Variants in ZEB1 observed in about 807,000 individuals in gnomAD.
The protein encoded by ZEB1 is zinc finger E-box binding homeobox 1.
A neutral mutation model predicts 84.9 loss-of-function variants in ZEB1; 21 were observed. That is an observed-to-expected ratio of 0.25 (90% confidence interval 0.18 to 0.36). The LOEUF is 0.36. Ranked by LOEUF, ZEB1 falls within the 10% of genes least tolerant of loss-of-function variation. ZEB1 has a pLI of 1.00. For synonymous variants in ZEB1, 420 were observed against 471.1 expected (o/e 0.89, Z 1.41); for missense variants, 1,104 against 1,330.2 (o/e 0.83, Z 2.65).
At chr10:31,514,371 C>T (rs1193761285) in intron 5 of ZEB1, among the ~76,000 whole-genome samples, 3 of 151,930 alleles carry the variant, frequency 2.0e-5, no homozygotes, top group African/African-American at 7.3e-5. Flanking sequence ...AAATTCTGTC[C>T]CCACTATCAC....
At chr10:31,418,920 A>G (rs2055671472) in intron 1 of ZEB1, among the ~76,000 whole-genome samples, 1 of 152,130 alleles carries the variant, frequency 6.6e-6, no homozygotes, top group African/African-American at 2.4e-5. Flanking sequence ...CAGACTAGGG[A>G]TGCTGAACCA....
intron 2 of ZEB1, among the ~76,000 whole-genome samples, chr10:31,493,176 T>C (rs972274574): frequency 3.3e-5 from 5 of 151,976 alleles, no homozygotes; most frequent in Non-Finnish European, 5.9e-5. Context: ...TTTACAATTG[T>C]GTTATTTGAA....
rs145960602 is a variant in ZEB1 at position 31,415,079 on chromosome 10, C to G, written c.59-45958C>G. Reference sequence around the variant, plus strand: ...AAAATCATTTTACAATCCACTTTGCCCACCTCCATCTTCTTACGTTACAAA... The same window carrying G: ...AAAATCATTTTACAATCCACTTTGCGCACCTCCATCTTCTTACGTTACAAA... On this transcript the variant is annotated intron_variant, in intron 1 of 8. Transcript: ENST00000424869. 5.6e-3 allele frequency among the ~76,000 whole-genome samples: 847 copies of G among 152,154 alleles called. 13 individuals are homozygous for G. Among genetic ancestry groups the G allele is most frequent in the African/African-American group, 0.02 (812 of 41,544 alleles).
rs372055484 is a variant in ZEB1, at chr10:31,466,551, T to C, written c.259+5314T>C. Among the ~76,000 whole-genome samples the C allele has an allele frequency of 7.2e-5, 11 of 152,178 alleles. No homozygotes were observed. In the East Asian group the frequency reaches 1.9e-3, roughly 27 times the overall value. On this transcript the variant is annotated intron_variant, in intron 2 of 8. Transcript: ENST00000424869. ...GAAATGAAAGGGGAAGTAAAAAATA[T>C]CTTGAAACAAACAAAAATGGAAACA...
chr10:31,482,118 C>G (rs946345849), intron 2 of ZEB1, among the ~76,000 whole-genome samples: 1 of 151,960 alleles, frequency 6.6e-6, no homozygotes, highest in African/African-American at 2.4e-5. Context: ...ACCACCTTAA[C>G]CAGATGATCA....
In ZEB1 at chr10:31,520,240, C is replaced by G. The variant is rs1476441129; in HGVS notation, c.908C>G (p.Pro303Arg). The stretch of plus-strand genomic sequence containing the variant: ...AGCTTGATACCTGTGAATGGGCGAC[C>G]AAGAACAGGACTCAAGACATCTCAG... Reference protein sequence around the residue: ...CISLIPVNGRPRTGLKTSQCS... With the variant: ...CISLIPVNGRRRTGLKTSQCS... The change falls in exon 7 of 9, where the codon CCA (proline) becomes CGA (arginine). Residue 303 changes from proline to arginine, a missense_variant. Around this residue, in one of 7 missense-constraint regions of ZEB1, gnomAD observed 111 missense variants for 161.8 expected, o/e 0.69. Transcript: ENST00000424869. This position sits in a 1 kb window ranked among gnomAD's most constrained non-coding sequence, Gnocchi z 5.1. 2 of 1,613,940 alleles carry G rather than the reference C, an allele frequency of 1.2e-6. No individual in the cohort carries two copies. The highest frequency in any genetic ancestry group is 1.1e-5 in the South Asian group (1 of 91,080).
intron 2 of ZEB1, 132 bp downstream of exon 2, chr10:31,461,369 T>C: frequency 1.1e-6 from 1 of 903,772 alleles, no homozygotes; most frequent in East Asian, 2.7e-5. Context: ...ATATTAGGTG[T>C]CCTACTTACT....
At chr10:31,416,472 G>A (rs540136867) in intron 1 of ZEB1, among the ~76,000 whole-genome samples, 34 of 152,024 alleles carry the variant, frequency 2.2e-4, no homozygotes, top group Non-Finnish European at 4.7e-4. Flanking sequence ...TGAACCAAAC[G>A]ATTAAATGGA....
chr10:31,525,227 A>G (rs1379888309), intron 8 of ZEB1, among the ~76,000 whole-genome samples: 2 of 152,220 alleles, frequency 1.3e-5, no homozygotes, highest in Non-Finnish European at 2.9e-5. Flanking sequence ...TTGAGAAGCT[A>G]CTACAGAGAC....
At chr10:31,403,647 A>G (rs971938569) in intron 1 of ZEB1, among the ~76,000 whole-genome samples, 3 of 152,052 alleles carry the variant, frequency 2.0e-5, no homozygotes, top group African/African-American at 4.8e-5. Flanking sequence ...AATAGAATCA[A>G]CATTCTTACA....
chr10:31,391,276 T>A (rs571488589), intron 1 of ZEB1, among the ~76,000 whole-genome samples: 26 of 126,490 alleles, frequency 2.1e-4, no homozygotes, highest in Admixed American at 5.9e-4. Flanking sequence ...TGTGTGTGTG[T>A]GAGATCCAAT....
intron 2 of ZEB1, among the ~76,000 whole-genome samples, chr10:31,481,674 A>C (rs577611890): frequency 6.6e-6 from 1 of 152,040 alleles, no homozygotes; most frequent in East Asian, 1.9e-4. Context: ...TGAATGACTA[A>C]ATGAATGAAT....
chr10:31,525,326 A>G lies in ZEB1; in HGVS notation c.2785+1213A>G, dbSNP rs534379042. Reference sequence around the variant, plus strand: ...CCTATTTCATTCCTTCCATCAGTGAAGTACTGATAAATTTTAACACCTGGT... The same window carrying G: ...CCTATTTCATTCCTTCCATCAGTGAGGTACTGATAAATTTTAACACCTGGT... On this transcript the variant is annotated intron_variant, in intron 8 of 8. Transcript: ENST00000424869. Among the ~76,000 whole-genome samples, 6 of 152,202 alleles carry G rather than the reference A, an allele frequency of 3.9e-5. No individual in the cohort carries two copies. The South Asian group carries it at 6.2e-4, about 16-fold the overall frequency.
rs548615284 is a variant in ZEB1 at position 31,331,081 on chromosome 10, C to CTTTTTT, written c.58+11810_58+11815dup. Among the ~76,000 whole-genome samples, 116 of 77,852 alleles carry CTTTTTT rather than the reference C, an allele frequency of 1.5e-3. 8 individuals carry two copies. The highest frequency in any genetic ancestry group is 5.2e-3 in the African/African-American group (91 of 17,534). The allele number at this position is 77,852 out of a possible 152,430, so 51.1% of individuals were successfully genotyped here. ...ATTTTCTTTTCTTTTTTCTTTCTTT[C>CTTTTTT]TTTTTTTTTTTTTTTTTTTTTTTTT... On this transcript the variant is annotated intron_variant, in intron 1 of 8. Coordinates refer to ENST00000424869, the MANE Select transcript of ZEB1 (RefSeq NM_001174096.2).
intron 1 of ZEB1, among the ~76,000 whole-genome samples, chr10:31,323,808 G>A (rs758666757): frequency 6.6e-6 from 1 of 151,860 alleles, no homozygotes; most frequent in African/African-American, 2.4e-5. Context: ...AACATTAGAA[G>A]TATTTATTTC....
At chr10:31,342,814 G>T (rs189331310) in intron 1 of ZEB1, among the ~76,000 whole-genome samples, 82 of 152,230 alleles carry the variant, frequency 5.4e-4, no homozygotes, top group Non-Finnish European at 9.9e-4. Flanking sequence ...TCGTTGGAAA[G>T]CTCCAGAAAT....
chr10:31,423,894 G>C (rs889029729), intron 1 of ZEB1, among the ~76,000 whole-genome samples: 3 of 151,244 alleles, frequency 2.0e-5, no homozygotes, highest in African/African-American at 7.3e-5. Context: ...TTAAGATGCT[G>C]TCATGATAGA....
chr10:31,471,444 A>C (rs557629917), intron 2 of ZEB1, among the ~76,000 whole-genome samples: 1 of 151,848 alleles, frequency 6.6e-6, no homozygotes, highest in South Asian at 2.1e-4. Flanking sequence ...CCTTAAACCA[A>C]TAAAGATCAA....
chr10:31,387,361 C>T (rs1221914540), intron 1 of ZEB1: 9 of 956,354 alleles, frequency 9.4e-6, no homozygotes, highest in African/African-American at 5.3e-5. Context: ...GACCTTCAGA[C>T]GTTCGCACAG....
Sources: gnomAD v4.1 joint callset for allele counts (sites outside exome capture counted in the v4.1 genomes callset) on GRCh38, gnomAD v4.1.1 for gene constraint, gnomAD v4.1.1 regional missense constraint, Gnocchi (gnomAD v3.1) non-coding constraint, MANE v1.5 for transcripts, NCBI Gene and HGNC (gene_info 2026-07-23, HGNC 2026-07-21) for gene names.